COBL: variants seen among roughly 807,000 people sequenced by gnomAD.
COBL encodes protein cordon-bleu.
In COBL, 51 loss-of-function variants were observed where a neutral mutation model predicts 98.8. The observed-to-expected ratio is 0.52, with a 90% CI of 0.41 to 0.65. COBL has a LOEUF of 0.65. COBL is among the 30% of genes least tolerant of loss of function. The pLI is 0.00. For synonymous variants in COBL, 634 were observed against 651.7 expected, an observed-to-expected ratio of 0.97 and a Z score of 0.41; for missense variants, 1,617 against 1,617.5, an observed-to-expected ratio of 1.00 and a Z score of 0.01.
chr7:51,277,717 G>A (rs1417398995), intron 1 of COBL, among the ~76,000 whole-genome samples: 1 of 152,158 alleles, frequency 6.6e-6, no homozygotes, highest in African/African-American at 2.4e-5. Context: ...CTGCCAAATG[G>A]AGGTGGTAAC....
chr7:51,292,864 T>C (rs1801040758), intron 1 of COBL, among the ~76,000 whole-genome samples: 1 of 152,248 alleles, frequency 6.6e-6, no homozygotes, highest in Non-Finnish European at 1.5e-5. Context: ...ATCCCAGGCC[T>C]GGGCACACAG....
chr7:51,212,521 C>T (rs767608385), intron 2 of COBL, among the ~76,000 whole-genome samples: 3 of 152,190 alleles, frequency 2.0e-5, no homozygotes, highest in Non-Finnish European at 4.4e-5. Context: ...AGCCAGCTGT[C>T]CTACCAGATC....
intron 1 of COBL, among the ~76,000 whole-genome samples, chr7:51,274,274 T>C (rs59563717): frequency 0.014 from 2,176 of 152,274 alleles, 44 homozygotes; most frequent in African/African-American, 0.05. Context: ...ACACTGCACA[T>C]GACCCTCACT....
chr7:51,209,411 G>A lies in COBL; in HGVS notation c.245+10330C>T, dbSNP rs146853212. 1.4e-3 allele frequency among the ~76,000 whole-genome samples: 215 copies of A among 152,256 alleles called. 3 individuals are homozygous for A. In the South Asian group the frequency reaches 0.037, roughly 26 times the overall value. The stretch of plus-strand genomic sequence containing the variant: ...TGGTGGCAGTGGGAGCACCTGGTGC[G>A]GCCTGGGCAGCCCCAACCCTCCAGA... On this transcript the variant is annotated intron_variant, in intron 2 of 12. Coordinates refer to ENST00000265136, the MANE Select transcript of COBL (RefSeq NM_015198.5).
In COBL at chr7:51,203,322, T is replaced by C. The variant is rs1200097638; in HGVS notation, c.246-9733A>G. ...CTAAAAATACAAAAAATTAGCCGGG[T>C]GTAGTGGCGGGCGCCTGTAGTCCCA... On this transcript the variant is annotated intron_variant, in intron 2 of 12. Coordinates refer to ENST00000265136, the MANE Select transcript of COBL (RefSeq NM_015198.5). Among the ~76,000 whole-genome samples the C allele has an allele frequency of 4.8e-5, 6 of 124,096 alleles. No homozygotes were observed. The East Asian group carries it at 8.7e-4, about 18-fold the overall frequency. 81.4% of individuals were successfully genotyped at this position (124,096 alleles called of 152,430 possible). A position where few individuals can be genotyped will look rare whatever the true frequency, so the allele number is the denominator to read the frequency against.
chr7:51,171,020 C>T (rs1225151597), intron 5 of COBL, among the ~76,000 whole-genome samples: 1 of 151,688 alleles, frequency 6.6e-6, no homozygotes, highest in Non-Finnish European at 1.5e-5. Context: ...CATACTTTAC[C>T]CCATAAATAT....
chr7:51,238,122 G>A (rs745973671), intron 1 of COBL, among the ~76,000 whole-genome samples: 2 of 152,248 alleles, frequency 1.3e-5, no homozygotes, highest in African/African-American at 2.4e-5. Flanking sequence ...AGGACGCTGG[G>A]ACCAAGCGGC....
chr7:51,242,729 G>C (rs945842368), intron 1 of COBL, among the ~76,000 whole-genome samples: 24 of 152,280 alleles, frequency 1.6e-4, no homozygotes, highest in African/African-American at 5.8e-4. Context: ...CCCACCATCT[G>C]CTCTGTTCTG....
intron 1 of COBL, among the ~76,000 whole-genome samples, chr7:51,294,313 TAAATAAATAAATAAATAA>T (rs1326364559): frequency 1.8e-4 from 26 of 146,102 alleles, no homozygotes; most frequent in Admixed American, 5.5e-4. Flanking sequence ...AATAAATAAA[TAAATAAATAAATAAATAA>T]AAATAAATAA....
chr7:51,252,764 A>T (rs1402942434), intron 1 of COBL, among the ~76,000 whole-genome samples: 1 of 152,182 alleles, frequency 6.6e-6, no homozygotes, highest in Non-Finnish European at 1.5e-5. Flanking sequence ...TGGCCTCTAG[A>T]TTATTCCAAT....
At chr7:51,055,322 G>A (rs1210988592) in intron 7 of COBL, among the ~76,000 whole-genome samples, 4 of 152,102 alleles carry the variant, frequency 2.6e-5, no homozygotes, top group Non-Finnish European at 2.9e-5. Context: ...CAAGGGCTGC[G>A]GGAAACTCAA....
intron 8 of COBL, among the ~76,000 whole-genome samples, chr7:51,038,862 G>T (rs1214458857): frequency 6.6e-6 from 1 of 152,232 alleles, no homozygotes; most frequent in Non-Finnish European, 1.5e-5. Flanking sequence ...GAGCCCCAAG[G>T]CCTGTCATTC....
chr7:51,124,668 A>G lies in COBL; in HGVS notation c.957+11490T>C, dbSNP rs540751839. Among the ~76,000 whole-genome samples, 17 of 152,312 alleles carry G rather than the reference A, an allele frequency of 1.1e-4. No individual in the cohort carries two copies. The East Asian group carries it at 2.9e-3, about 26-fold the overall frequency. The stretch of plus-strand genomic sequence containing the variant: ...AGCGTTCTCTGTATTTTGGGGACAT[A>G]AAGTGCTCCAATTCAGTGCTGAGTG... On this transcript the variant is annotated intron_variant, in intron 6 of 12. Coordinates refer to ENST00000265136, the MANE Select transcript of COBL (RefSeq NM_015198.5).
rs562677235 is a variant in COBL at position 51,271,551 on chromosome 7, C to T, written c.41+45042G>A. ...AAAGCGTAGCATGAGTCTCATGAAA[C>T]CTACATTAAATATTTAAGAAAAACA... On this transcript the variant is annotated intron_variant, in intron 1 of 12. Transcript: ENST00000265136. Among the ~76,000 whole-genome samples the T allele has an allele frequency of 2.0e-5, 3 of 152,190 alleles. No homozygotes were observed. In the South Asian group the frequency reaches 6.2e-4, roughly 32 times the overall value.
intron 7 of COBL, among the ~76,000 whole-genome samples, chr7:51,059,914 C>G (rs1791152427): frequency 6.6e-6 from 1 of 152,210 alleles, no homozygotes; most frequent in South Asian, 2.1e-4. Flanking sequence ...TCTCACCCCT[C>G]ACAGGGAGCA....
At chr7:51,040,685 T>C (rs528966501) in intron 8 of COBL, among the ~76,000 whole-genome samples, 2 of 152,314 alleles carry the variant, frequency 1.3e-5, no homozygotes, top group South Asian at 4.1e-4. Context: ...ATTGTAGGTC[T>C]ATCAGGTTCC....
intron 7 of COBL, among the ~76,000 whole-genome samples, chr7:51,060,054 C>T (rs963949906): frequency 1.3e-5 from 2 of 152,102 alleles, no homozygotes. Context: ...CTCCATGAGT[C>T]GATCTGATCT....
intron 6 of COBL, among the ~76,000 whole-genome samples, chr7:51,092,652 T>C (rs1794920272): frequency 6.6e-6 from 1 of 152,186 alleles, no homozygotes; most frequent in Non-Finnish European, 1.5e-5. Context: ...GTCTGTTTTT[T>C]AGCCAGTACC....
Position 51,028,827 on chromosome 7 carries a change from G to A in COBL, c.2269C>T (p.Pro757Ser). The A allele has an allele frequency of 6.2e-7, 1 of 1,614,152 alleles. No homozygotes were observed. The highest frequency in any genetic ancestry group is 8.5e-7 in the Non-Finnish European group (1 of 1,180,022). The part of the protein sequence containing the change: ...IRIISLSSSV[P>S]EAESQPIGKV... The stretch of plus-strand genomic sequence containing the variant: ...CCAATGGGCTGAGATTCTGCTTCAG[G>A]CACAGACGAAGACAGGGAAATGATC... The change falls in exon 10 of 13, where the codon CCT (proline) becomes TCT (serine). Residue 757 changes from proline to serine, a missense_variant. Pro to Ser is a moderately conservative substitution (Grantham distance 74, BLOSUM62 -1). Transcript: ENST00000265136.
Sources: allele counts gnomAD v4.1 joint callset (sites outside exome capture counted in the v4.1 genomes callset), GRCh38; gene constraint gnomAD v4.1.1; transcripts MANE v1.5; gene names NCBI Gene and HGNC (gene_info 2026-07-23, HGNC 2026-07-21).